NAV1: variants seen among roughly 807,000 people sequenced by gnomAD.
NAV1 encodes the protein neuron navigator 1, also known as pore membrane and/or filament interacting like protein 3.
In NAV1, 18 loss-of-function variants were observed where a neutral mutation model predicts 175.2. The observed-to-expected ratio is 0.10, with a 90% CI of 0.07 to 0.15. The LOEUF is 0.15. Ranked by LOEUF, NAV1 falls within the 10% of genes least tolerant of loss-of-function variation. The probability of loss-of-function intolerance (pLI) is 1.00; values close to 1 mark genes in which losing one functional copy is unlikely to be tolerated. For missense variants in NAV1, 1,731 were observed against 2,436.6 expected (o/e 0.71, Z 6.10); for synonymous variants, 897 against 978.7 (o/e 0.92, Z 1.56).
exon 1 of NAV1, chr1:201,648,652 C>T (rs764506245): frequency 7.3e-7 from 1 of 1,371,518 alleles, no homozygotes; most frequent in South Asian, 1.8e-5. Context: ...ATCGTCCATG[C>T]GCTCCTCGCG....
At chr1:201,574,421 A>G (rs1666635639) in intron 1 of NAV1, among the ~76,000 whole-genome samples, 1 of 152,130 alleles carries the variant, frequency 6.6e-6, no homozygotes, top group Non-Finnish European at 1.5e-5. Flanking sequence ...GGAAAGCACC[A>G]GGCAGAAGGA....
At chr1:201,785,267 CTTCTCTCTCTCTCTCTTTTT>C in intron 7 of NAV1, 23 bp from the exon 12 acceptor site, 1 of 1,540,566 alleles carries the variant, frequency 6.5e-7, no homozygotes, top group South Asian at 1.1e-5. Flanking sequence ...GACCCACATG[CTTCTCTCTCTCTCTCTTTTT>C]TTTTTTTTTT....
chr1:201,697,047 C>T (rs1671222245), intron 1 of NAV1, among the ~76,000 whole-genome samples: 1 of 152,214 alleles, frequency 6.6e-6, no homozygotes, highest in African/African-American at 2.4e-5. Flanking sequence ...CTTATTAAGT[C>T]TCACTGTAGG....
At position 201,808,037 on chromosome 1, in the gene NAV1, A is replaced by G. The variant is rs1284544277; in HGVS notation, c.3733A>G (p.Thr1245Ala). ...ATACTCGGATATAGAGGAGATTGCT[A>G]CACCCGACTCTTCAGCCCCCTCATC... Residue 1245 changes from threonine (T) to alanine (A), a missense_variant, in exon 18 of 30, where the codon ACA becomes GCA. Physicochemically the swap from Thr to Ala is moderately conservative, Grantham distance 58 (BLOSUM62 0). Coordinates refer to ENST00000367296, the Ensembl canonical transcript of NAV1. This position sits in a 1 kb window ranked among gnomAD's most constrained non-coding sequence, Gnocchi z 5.5. The G allele has an allele frequency of 6.2e-7, 1 of 1,614,222 alleles. No homozygotes were observed. Among genetic ancestry groups the G allele is most frequent in the Non-Finnish European group, 8.5e-7 (1 of 1,180,048 alleles).
At position 201,718,252 on chromosome 1, in the gene NAV1, G is replaced by T; in HGVS notation, c.861-138G>T. 1 of 798,534 alleles carries T rather than the reference G, an allele frequency of 1.3e-6. No individual in the cohort carries two copies. The highest frequency in any genetic ancestry group is 1.8e-6 in the Non-Finnish European group (1 of 544,204). 49.5% of individuals were successfully genotyped at this position (798,534 alleles called of 1,614,324 possible). ...ACACACAACCAGAGGCCTCATGGAG[G>T]AGGTGGAGCTTGGGCAGGTGGGGAG... is the stretch of plus-strand genomic sequence containing the variant. On this transcript the variant is annotated intron_variant, in intron 2 of 29. Transcript: ENST00000367296. The surrounding 1 kb of genome is among the most constrained non-coding windows in gnomAD (Gnocchi z 4.8).
At chr1:201,735,659 AAGTATAAT>A (rs1673088524) in intron 3 of NAV1, among the ~76,000 whole-genome samples, 1 of 152,248 alleles carries the variant, frequency 6.6e-6, no homozygotes, top group Non-Finnish European at 1.5e-5. Flanking sequence ...GTTCTAAAGC[AAGTATAAT>A]AGTACCTGCC....
At chr1:201,555,377 T>C (rs1167684267) in intron 1 of NAV1, among the ~76,000 whole-genome samples, 1 of 152,206 alleles carries the variant, frequency 6.6e-6, no homozygotes, top group African/African-American at 2.4e-5. Context: ...TCTCTGGATC[T>C]CAGTTTCCTC....
chr1:201,619,334 G>C (rs564504209), upstream of NAV1, among the ~76,000 whole-genome samples: 1 of 151,774 alleles, frequency 6.6e-6, no homozygotes, highest in Non-Finnish European at 1.5e-5. Context: ...GGGATGCATG[G>C]AGGACAATGT....
rs1438621478 is a variant in NAV1 at position 201,814,823 on chromosome 1, A to G, written c.5340+1565A>G. ...GGGAGGCCAAGGCAGGCGGATCACA[A>G]GGTCAGGAGATCGAGACCGTCGTGG... On this transcript the variant is annotated intron_variant, in intron 28 of 29. Coordinates refer to ENST00000367296, the Ensembl canonical transcript of NAV1. Among the ~76,000 whole-genome samples the G allele has an allele frequency of 8.5e-5, 13 of 152,064 alleles. No individual in the cohort carries two copies. The East Asian group carries it at 2.5e-3, about 29-fold the overall frequency.
chr1:201,749,013 TG>T (rs996904965), intron 3 of NAV1, among the ~76,000 whole-genome samples: 31 of 152,160 alleles, frequency 2.0e-4, no homozygotes, highest in African/African-American at 6.5e-4. Flanking sequence ...CCAGGCATGG[TG>T]GCAGGTGACT....
intron 1 of NAV1, among the ~76,000 whole-genome samples, chr1:201,586,700 GA>G (rs1436683798): frequency 1.3e-5 from 2 of 152,000 alleles, no homozygotes; most frequent in Non-Finnish European, 2.9e-5. Context: ...GGGGGAGAGA[GA>G]GAGATCTTTG....
intron 1 of NAV1, among the ~76,000 whole-genome samples, chr1:201,580,830 G>A (rs1230909437): frequency 2.0e-5 from 3 of 152,108 alleles, no homozygotes; most frequent in Non-Finnish European, 4.4e-5. Context: ...GGGAGTCATC[G>A]CCCTACTTGG....
At position 201,740,165 on chromosome 1, in the gene NAV1, G is replaced by T. The variant is rs1673316329; in HGVS notation, c.1226+21410G>T. The stretch of plus-strand genomic sequence containing the variant: ...CCCCCAGCCCCGCCGCAGCCCCCCA[G>T]TTCCGCCGCAGCTGCAGTCTCAGGG... On this transcript the variant is annotated intron_variant, in intron 3 of 29. Transcript: ENST00000367296. The surrounding 1 kb of genome is among the most constrained non-coding windows in gnomAD (Gnocchi z 4.7). 1 of 1,105,336 alleles carries T rather than the reference G, an allele frequency of 9.0e-7. No homozygotes were observed. The highest frequency in any genetic ancestry group is 1.6e-5 in the African/African-American group (1 of 60,724). 68.5% of individuals were successfully genotyped at this position (1,105,336 alleles called of 1,614,324 possible).
intron 2 of NAV1, among the ~76,000 whole-genome samples, chr1:201,613,601 G>C (rs889264118): frequency 6.6e-6 from 1 of 152,212 alleles, no homozygotes; most frequent in Admixed American, 6.5e-5. Flanking sequence ...GGTGGCTCAT[G>C]CCTGTAATCC....
chr1:201,583,658 T>G (rs1162352849), intron 1 of NAV1, among the ~76,000 whole-genome samples: 4 of 152,248 alleles, frequency 2.6e-5, no homozygotes, highest in Non-Finnish European at 5.9e-5. Flanking sequence ...TTTGAAATCC[T>G]CTTTCTCCTT....
At chr1:201,599,414 G>GC (rs1667457813) in intron 2 of NAV1, among the ~76,000 whole-genome samples, 1 of 152,134 alleles carries the variant, frequency 6.6e-6, no homozygotes, top group African/African-American at 2.4e-5. Flanking sequence ...TCCTTGGACG[G>GC]CCCCTTCCAT....
In NAV1 at chr1:201,812,443, CT is replaced by C. The variant is rs766360883; in HGVS notation, c.5025-19del. 5.0e-6 allele frequency: 8 copies of C among 1,613,124 alleles called. No individual in the cohort carries two copies. Among genetic ancestry groups the C allele is most frequent in the Non-Finnish European group, 6.8e-6 (8 of 1,179,556 alleles). ...TGTCCCCATTGCCACTCTGACCCCA[CT>C]TTCCCCATCCTTGGTGGCAGGATGT... is the stretch of plus-strand genomic sequence containing the variant. On this transcript the variant is annotated intron_variant, in intron 26 of 29. Coordinates refer to ENST00000367296, the Ensembl canonical transcript of NAV1. This position sits in a 1 kb window ranked among gnomAD's most constrained non-coding sequence, Gnocchi z 4.6.
At chr1:201,540,175 G>A (rs1206940742) in intron 1 of NAV1, among the ~76,000 whole-genome samples, 1 of 152,168 alleles carries the variant, frequency 6.6e-6, no homozygotes, top group African/African-American at 2.4e-5. Flanking sequence ...GGTGTGTAGG[G>A]GTGACGTCCA....
In NAV1 at chr1:201,782,047, C is replaced by G. The variant is rs1676357453; in HGVS notation, c.1664-129C>G. On this transcript the variant is annotated intron_variant, in intron 5 of 29. Transcript: ENST00000367296. This position sits in a 1 kb window ranked among gnomAD's most constrained non-coding sequence, Gnocchi z 5.4. The stretch of plus-strand genomic sequence containing the variant: ...TCAGCTTATCTTGTACCTGTTTACC[C>G]AAATTTAGGCCTCTAAAAGTCTACA... 1.3e-6 allele frequency: 1 copy of G among 781,512 alleles called. No individual in the cohort carries two copies. Among genetic ancestry groups the G allele is most frequent in the Non-Finnish European group, 2.0e-6 (1 of 505,418 alleles). The allele number at this position is 781,512 out of a possible 1,614,324, so 48.4% of individuals were successfully genotyped here.
Sources: allele counts gnomAD v4.1 joint callset (sites outside exome capture counted in the v4.1 genomes callset), GRCh38; gene constraint gnomAD v4.1.1; non-coding constraint Gnocchi (gnomAD v3.1); transcripts MANE v1.5; gene names NCBI Gene and HGNC (gene_info 2026-07-23, HGNC 2026-07-21).